Variants in PLEKHB2 observed in about 807,000 individuals in gnomAD.
PLEKHB2 encodes the protein pleckstrin homology domain-containing family B member 2.
A neutral mutation model predicts 36.5 loss-of-function variants in PLEKHB2; 31 were observed. The observed-to-expected ratio is 0.85, with a 90% CI of 0.64 to 1.15. The LOEUF is 1.15. Among genes scored for constraint, PLEKHB2 ranks in the 50% most tolerant of loss-of-function variants. The pLI, the probability that PLEKHB2 is intolerant of heterozygous loss-of-function variation, is 0.00. For missense variants in PLEKHB2, 262 were observed against 295.3 expected (o/e 0.89, Z 0.83); for synonymous variants, 119 against 112.0 (o/e 1.06, Z -0.39).
At chr2:131,143,676 G>A (rs1319271121) in intron 7 of PLEKHB2, among the ~76,000 whole-genome samples, 8 of 152,114 alleles carry the variant, frequency 5.3e-5, no homozygotes, top group Non-Finnish European at 8.8e-5. Context: ...TGGAATCATC[G>A]AGTTGCTTTA....
At chr2:131,111,515 A>T in intron 1 of PLEKHB2, among the ~76,000 whole-genome samples, 2 of 140,458 alleles carry the variant, frequency 1.4e-5, no homozygotes. Flanking sequence ...TTTGAGATGG[A>T]GTCTCACTCC....
intron 5 of PLEKHB2, among the ~76,000 whole-genome samples, chr2:131,131,530 C>T (rs909012434): frequency 2.0e-5 from 3 of 152,186 alleles, no homozygotes; most frequent in African/African-American, 7.2e-5. Flanking sequence ...GAGTGTGTTA[C>T]TCTGGTCAGA....
chr2:131,144,824 A>G (rs1159881747), intron 7 of PLEKHB2, among the ~76,000 whole-genome samples: 1 of 152,202 alleles, frequency 6.6e-6, no homozygotes, highest in African/African-American at 2.4e-5. Context: ...TAGATTTTCC[A>G]TGGGACCTTT....
At chr2:131,118,692 C>T (rs1235633773) in intron 1 of PLEKHB2, among the ~76,000 whole-genome samples, 4 of 151,262 alleles carry the variant, frequency 2.6e-5, no homozygotes, top group African/African-American at 7.3e-5. Context: ...GGTGAAACCC[C>T]GTCTTTACTG....
rs553255686 is a variant in PLEKHB2 at position 131,124,622 on chromosome 2, C to T, written c.38-1131C>T. Among the ~76,000 whole-genome samples the T allele has an allele frequency of 1.6e-3, 250 of 152,260 alleles. 1 individual carries two copies. The highest frequency in any genetic ancestry group is 7.1e-3 in the South Asian group (34 of 4,822). ...GAAGTACGTGAGGTAGTAGGATGTG[C>T]ACAGCATGGGAGGCCAGGCAGGGCC... On this transcript the variant is annotated intron_variant, in intron 2 of 7. Transcript: ENST00000693505.
At chr2:131,140,516 A>G (rs1411016945) in intron 7 of PLEKHB2, among the ~76,000 whole-genome samples, 1 of 151,702 alleles carries the variant, frequency 6.6e-6, no homozygotes, top group Non-Finnish European at 1.5e-5. Flanking sequence ...GTTCTCAGAG[A>G]ATTTTGTACT....
intron 6 of PLEKHB2, among the ~76,000 whole-genome samples, chr2:131,134,966 T>A (rs532403168): frequency 1.7e-4 from 26 of 152,330 alleles, no homozygotes; most frequent in African/African-American, 6.0e-4. Flanking sequence ...TTCAGTTTTT[T>A]TAGTGATTGC....
At chr2:131,136,301 C>T (rs942447973) in intron 6 of PLEKHB2, among the ~76,000 whole-genome samples, 1 of 150,548 alleles carries the variant, frequency 6.6e-6, no homozygotes, top group East Asian at 2.0e-4. Context: ...ATCATTAGCT[C>T]ACTTCAGCCT....
At chr2:131,137,532 G>A (rs975590538) in intron 6 of PLEKHB2, among the ~76,000 whole-genome samples, 2 of 152,278 alleles carry the variant, frequency 1.3e-5, no homozygotes, top group Admixed American at 1.3e-4. Flanking sequence ...TAGGTTGTCT[G>A]ACTTAGATGT....
At position 131,140,672 on chromosome 2, in the gene PLEKHB2, C is replaced by T. The variant is rs552207602; in HGVS notation, c.532+397C>T. On this transcript the variant is annotated intron_variant, in intron 7 of 7. Coordinates refer to ENST00000693505, the MANE Select transcript of PLEKHB2 (RefSeq NM_001100623.2). Reference sequence around the variant, plus strand: ...TGATGTTCTGTTTCACAGTGGAGTACAGGCCTGGAAGGGCTTGTATTTATT... The same window carrying T: ...TGATGTTCTGTTTCACAGTGGAGTATAGGCCTGGAAGGGCTTGTATTTATT... 6.6e-5 allele frequency among the ~76,000 whole-genome samples: 10 copies of T among 152,350 alleles called. No homozygotes were observed. The East Asian group carries it at 1.2e-3, about 18-fold the overall frequency.
At chr2:131,109,131 G>A (rs905271225) in intron 1 of PLEKHB2, among the ~76,000 whole-genome samples, 1 of 152,064 alleles carries the variant, frequency 6.6e-6, no homozygotes, top group Non-Finnish European at 1.5e-5. Context: ...CCAGGAGTTC[G>A]AGACCAGCTT....
rs553555836 is a variant in PLEKHB2, at chr2:131,120,776, A to G, written c.-8-158A>G. On this transcript the variant is annotated intron_variant, in intron 1 of 7. Coordinates refer to ENST00000693505, the MANE Select transcript of PLEKHB2 (RefSeq NM_001100623.2). ...CAGAGTGCGGGGCACATGAACCCCA[A>G]TGAGGAGGTGTTTGTTAAATGCCAG... The G allele has an allele frequency of 9.7e-5, 71 of 729,968 alleles. 2 individuals are homozygous for G. Among genetic ancestry groups the G allele is most frequent in the Admixed American group, 5.0e-4 (25 of 49,526 alleles). 45.2% of individuals were successfully genotyped at this position (729,968 alleles called of 1,614,324 possible). A position where few individuals can be genotyped will look rare whatever the true frequency, so the allele number is the denominator to read the frequency against.
intron 7 of PLEKHB2, among the ~76,000 whole-genome samples, chr2:131,143,005 CT>C: frequency 6.6e-6 from 1 of 152,280 alleles, no homozygotes; most frequent in African/African-American, 2.4e-5. Context: ...ACTTCAGGTA[CT>C]CCTACCCCCA....
chr2:131,118,688 A>AC (rs916694010), intron 1 of PLEKHB2, among the ~76,000 whole-genome samples: 1 of 151,462 alleles, frequency 6.6e-6, no homozygotes, highest in African/African-American at 2.4e-5. Flanking sequence ...ACATGGTGAA[A>AC]CCCCGTCTTT....
Position 131,149,813 on chromosome 2 carries a change from A to G in PLEKHB2, c.*3040A>G, listed in dbSNP as rs998406204. The G allele has an allele frequency of 1.3e-5, 2 of 152,220 alleles. No individual in the cohort carries two copies. The highest frequency in any genetic ancestry group is 2.9e-5 in the Non-Finnish European group (2 of 68,030). The allele number at this position is 152,220 out of a possible 1,614,324, so 9.4% of individuals were successfully genotyped here. ...GCAAATTGTACATTTGTAAGTGAAAATGTCAATACATTAAAGCATTAACCT... is the reference window on the plus strand; with the variant it reads ...GCAAATTGTACATTTGTAAGTGAAAGTGTCAATACATTAAAGCATTAACCT... On this transcript the variant is annotated 3_prime_UTR_variant, in exon 8 of 8. Transcript: ENST00000693505.
rs1464120004 is a variant in PLEKHB2 at position 131,148,455 on chromosome 2, C to T, written c.*1682C>T. On this transcript the variant is annotated 3_prime_UTR_variant, in exon 8 of 8. Coordinates refer to ENST00000693505, the MANE Select transcript of PLEKHB2 (RefSeq NM_001100623.2). Reference sequence around the variant, plus strand: ...GTGCTTTTACAGTGGCAGTTTAGCACAGCGAATGTCCCTGCCCCACACTCC... The same window carrying T: ...GTGCTTTTACAGTGGCAGTTTAGCATAGCGAATGTCCCTGCCCCACACTCC... The T allele has an allele frequency of 6.6e-6, 1 of 152,180 alleles. No individual in the cohort carries two copies. Among genetic ancestry groups the T allele is most frequent in the Non-Finnish European group, 1.5e-5 (1 of 68,050 alleles). The allele number at this position is 152,180 out of a possible 1,614,324, so 9.4% of individuals were successfully genotyped here.
At chr2:131,120,647 C>G (rs1174396223) in intron 1 of PLEKHB2, 1 of 481,846 alleles carries the variant, frequency 2.1e-6, no homozygotes, top group Non-Finnish European at 3.8e-6. Flanking sequence ...AGAGCTAAAT[C>G]CTGTGTCCCT....
chr2:131,128,888 T>C (rs1486854196), intron 4 of PLEKHB2, among the ~76,000 whole-genome samples: 2 of 152,208 alleles, frequency 1.3e-5, no homozygotes, highest in Non-Finnish European at 2.9e-5. Flanking sequence ...CCTACTAGAC[T>C]CTTCCACCTG....
chr2:131,126,635 TA>T, intron 3 of PLEKHB2, 48 bp from the exon 4 acceptor site: 1 of 1,059,268 alleles, frequency 9.4e-7, no homozygotes, highest in Non-Finnish European at 1.5e-6. Context: ...TTAGAAAATG[TA>T]AGAAGAAATC....
Sources: gnomAD v4.1 joint callset for allele counts (sites outside exome capture counted in the v4.1 genomes callset) on GRCh38, gnomAD v4.1.1 for gene constraint, MANE v1.5 for transcripts, NCBI Gene and HGNC (gene_info 2026-07-23, HGNC 2026-07-21) for gene names.